WDFY3: variants seen among roughly 807,000 people sequenced by gnomAD.
WDFY3 encodes WD repeat and FYVE domain containing 3.
In WDFY3, 66 loss-of-function variants were observed where a neutral mutation model predicts 409.6. The observed-to-expected ratio is 0.16, with a 90% confidence interval of 0.13 to 0.20. The LOEUF (loss-of-function observed/expected upper bound fraction) is 0.20. Among genes scored for constraint, WDFY3 ranks in the 10% least tolerant of loss-of-function variants. The pLI is 1.00. For synonymous variants in WDFY3, 1,521 were observed against 1,537.1 expected, an observed-to-expected ratio of 0.99 and a Z score of 0.25; for missense variants, 3,031 against 4,298.1, an observed-to-expected ratio of 0.71 and a Z score of 8.24.
At chr4:84,966,153 G>C (rs1373204627) in intron 1 of WDFY3, 56 bp downstream of exon 1, 1 of 152,006 alleles carries the variant, frequency 6.6e-6, no homozygotes, top group African/African-American at 2.4e-5. Flanking sequence ...GCCGGGCCGA[G>C]GCAGCACCGC....
intron 21 of WDFY3, among the ~76,000 whole-genome samples, chr4:84,792,079 G>C (rs1413558878): frequency 6.6e-6 from 1 of 151,988 alleles, no homozygotes. Context: ...GTACAAACAA[G>C]TAAATATACT....
At chr4:84,870,736 G>T (rs1042582547) in intron 3 of WDFY3, among the ~76,000 whole-genome samples, 2 of 152,108 alleles carry the variant, frequency 1.3e-5, no homozygotes, top group African/African-American at 4.8e-5. Context: ...GGTCCAGGAA[G>T]GGAAAAGGAA....
intron 2 of WDFY3, among the ~76,000 whole-genome samples, chr4:84,929,045 G>A (rs1258149266): frequency 2.6e-5 from 4 of 152,056 alleles, no homozygotes; most frequent in Non-Finnish European, 4.4e-5. Flanking sequence ...TGCCACTTTC[G>A]AGACTATATT....
rs189546072 is a variant in WDFY3 at position 84,757,283 on chromosome 4, T to C, written c.5189-122A>G. 6.6e-5 allele frequency: 55 copies of C among 828,486 alleles called. No individual in the cohort carries two copies. In the African/African-American group the frequency reaches 9.0e-4, roughly 14 times the overall value. 51.3% of individuals were successfully genotyped at this position (828,486 alleles called of 1,614,324 possible). A position where few individuals can be genotyped will look rare whatever the true frequency, so the allele number is the denominator to read the frequency against. Reference sequence around the variant, plus strand: ...TCTATCCAGAACATTCATACTACTATAGGCAATTAAGTATTCAACTGTTGA... The same window carrying C: ...TCTATCCAGAACATTCATACTACTACAGGCAATTAAGTATTCAACTGTTGA... On this transcript the variant is annotated intron_variant, in intron 32 of 67. Transcript: ENST00000295888.
At chr4:84,924,232 T>TA (rs1479313555) in intron 2 of WDFY3, among the ~76,000 whole-genome samples, 1 of 152,254 alleles carries the variant, frequency 6.6e-6, no homozygotes, top group African/African-American at 2.4e-5. Flanking sequence ...TCTGAAAAGT[T>TA]ATTTTCTAGC....
At chr4:84,953,075 T>C (rs1389882947) in intron 1 of WDFY3, among the ~76,000 whole-genome samples, 10 of 151,424 alleles carry the variant, frequency 6.6e-5, no homozygotes, top group Non-Finnish European at 1.3e-4. Flanking sequence ...TGGTGTATAA[T>C]AAAAAATGGA....
At chr4:84,875,928 T>C (rs1762723179) in intron 3 of WDFY3, among the ~76,000 whole-genome samples, 1 of 152,184 alleles carries the variant, frequency 6.6e-6, no homozygotes, top group South Asian at 2.1e-4. Flanking sequence ...GAAGCTGTCT[T>C]ACAGTTAGTT....
chr4:84,922,962 C>G (rs530777712), intron 2 of WDFY3, among the ~76,000 whole-genome samples: 2 of 152,176 alleles, frequency 1.3e-5, no homozygotes, highest in Non-Finnish European at 2.9e-5. Flanking sequence ...AGCTAAAAAT[C>G]GAAGTGTTTG....
chr4:84,815,900 T>C (rs928209919), intron 13 of WDFY3, among the ~76,000 whole-genome samples: 15 of 152,150 alleles, frequency 9.9e-5, no homozygotes, highest in African/African-American at 3.6e-4. Flanking sequence ...AAAACTTTCA[T>C]CTACTATCTT....
chr4:84,721,983 G>A (rs1483451918), intron 46 of WDFY3, among the ~76,000 whole-genome samples: 1 of 152,198 alleles, frequency 6.6e-6, no homozygotes, highest in Non-Finnish European at 1.5e-5. Flanking sequence ...AGGTAATGAT[G>A]ATAACAGAAA....
chr4:84,919,626 T>A (rs1277464417), intron 2 of WDFY3, among the ~76,000 whole-genome samples: 1 of 152,152 alleles, frequency 6.6e-6, no homozygotes, highest in Admixed American at 6.6e-5. Context: ...TGATAGTGAG[T>A]GAGTTCTCTA....
intron 31 of WDFY3, 48 bp from the exon 32 acceptor site, chr4:84,766,075 A>G (rs556376650): frequency 1.1e-5 from 18 of 1,576,050 alleles, no homozygotes; most frequent in Admixed American, 3.7e-5. Flanking sequence ...AATTAATTTC[A>G]GAAATTAGGA....
At chr4:84,722,006 A>G (rs767786294) in intron 46 of WDFY3, among the ~76,000 whole-genome samples, 4 of 152,240 alleles carry the variant, frequency 2.6e-5, no homozygotes, top group Non-Finnish European at 5.9e-5. Flanking sequence ...TATAATAGTA[A>G]GAATGGTATA....
intron 56 of WDFY3, among the ~76,000 whole-genome samples, chr4:84,701,933 A>G (rs1292330675): frequency 6.6e-6 from 1 of 152,236 alleles, no homozygotes; most frequent in African/African-American, 2.4e-5. Flanking sequence ...GGGTTTCAAT[A>G]GTAATACTTT....
At chr4:84,779,498 C>T (rs1453205600) in intron 26 of WDFY3, among the ~76,000 whole-genome samples, 4 of 151,962 alleles carry the variant, frequency 2.6e-5, no homozygotes, top group Non-Finnish European at 5.9e-5. Context: ...CTGCAGCCTC[C>T]GCCTTCCAGG....
intron 5 of WDFY3, among the ~76,000 whole-genome samples, chr4:84,847,602 T>TAA (rs757064066): frequency 3.8e-3 from 298 of 79,108 alleles, no homozygotes; most frequent in African/African-American, 0.013. Context: ...CCGTCTCTAC[T>TAA]AAAAAAAAAA....
rs141668006 is a variant in WDFY3, at chr4:84,926,770, A to G, written c.-132+5500T>C. ...TCAGTATCCTGGTAACAGCATCCTAAGAGCATAAGCTTAAACCTTCCCCTT... is the reference window on the plus strand; with the variant it reads ...TCAGTATCCTGGTAACAGCATCCTAGGAGCATAAGCTTAAACCTTCCCCTT... On this transcript the variant is annotated intron_variant, in intron 2 of 67. Transcript: ENST00000295888. Among the ~76,000 whole-genome samples, 570 of 152,328 alleles carry G rather than the reference A, an allele frequency of 3.7e-3. 6 individuals are homozygous for G. Among genetic ancestry groups the G allele is most frequent in the South Asian group, 0.029 (139 of 4,832 alleles).
intron 46 of WDFY3, 71 bp downstream of exon 46, chr4:84,724,355 A>T: frequency 6.5e-7 from 1 of 1,527,006 alleles, no homozygotes; most frequent in South Asian, 1.3e-5. Context: ...AGTTGCTCAA[A>T]TTTTTGTATG....
intron 2 of WDFY3, among the ~76,000 whole-genome samples, chr4:84,909,775 T>C (rs1767524263): frequency 6.6e-6 from 1 of 152,162 alleles, no homozygotes; most frequent in African/African-American, 2.4e-5. Flanking sequence ...TTGCATTTTT[T>C]CTGCAAGCAA....
Sources: allele counts gnomAD v4.1 joint callset (sites outside exome capture counted in the v4.1 genomes callset), GRCh38; gene constraint gnomAD v4.1.1; transcripts MANE v1.5; gene names NCBI Gene and HGNC (gene_info 2026-07-23, HGNC 2026-07-21).